Variants in PAMR1 observed in about 807,000 individuals in gnomAD.
The protein encoded by PAMR1 is inactive serine protease PAMR1.
Under a neutral mutation model 81.8 loss-of-function variants are expected in PAMR1, and 88 were observed. The ratio of observed to expected loss-of-function variants is 1.08; its 90% CI spans 0.91 to 1.28. The LOEUF is 1.28. Ranked by LOEUF, PAMR1 falls within the 50% of genes most tolerant of loss-of-function variation. The probability of loss-of-function intolerance (pLI) is 0.00; values close to 1 mark genes in which losing one functional copy is unlikely to be tolerated. For synonymous variants in PAMR1, 336 were observed against 345.3 expected, an observed-to-expected ratio of 0.97 and a Z score of 0.30; for missense variants, 935 against 919.7, an observed-to-expected ratio of 1.02 and a Z score of -0.21.
chr11:35,495,286 A>G (rs1421965583), intron 1 of PAMR1, among the ~76,000 whole-genome samples: 3 of 152,106 alleles, frequency 2.0e-5, no homozygotes, highest in Non-Finnish European at 2.9e-5. Flanking sequence ...TGGTGAACTC[A>G]TTAGCCCAAC....
At chr11:35,503,772 T>A (rs1850899073) in intron 1 of PAMR1, among the ~76,000 whole-genome samples, 1 of 152,064 alleles carries the variant, frequency 6.6e-6, no homozygotes, top group South Asian at 2.1e-4. Flanking sequence ...TTTGGTAGAG[T>A]CTTTAGATTT....
At position 35,447,363 on chromosome 11, in the gene PAMR1, C is replaced by T. The variant is rs571304125; in HGVS notation, c.821-5670G>A. ...GACTACAGCCACCTGCTACCACGCC[C>T]GGCTAATTTTTTTCTATTTTTTAGT... On this transcript the variant is annotated intron_variant, in intron 6 of 10. Transcript: ENST00000619888. Among the ~76,000 whole-genome samples, 15 of 152,174 alleles carry T rather than the reference C, an allele frequency of 9.9e-5. No homozygotes were observed. The South Asian group carries it at 1.5e-3, about 15-fold the overall frequency.
Position 35,467,442 on chromosome 11 carries a change from G to A in PAMR1, c.820+559C>T, listed in dbSNP as rs151160519. On this transcript the variant is annotated intron_variant, in intron 6 of 10. Transcript: ENST00000619888. ...GCTTCCATCTGTGACACCTGTTTTCGGTCTGGTAACCAAGGCCTTATATAA... is the reference window on the plus strand; with the variant it reads ...GCTTCCATCTGTGACACCTGTTTTCAGTCTGGTAACCAAGGCCTTATATAA... Among the ~76,000 whole-genome samples, 621 of 152,204 alleles carry A rather than the reference G, an allele frequency of 4.1e-3. 1 individual carries two copies. The highest frequency in any genetic ancestry group is 0.014 in the African/African-American group (564 of 41,496).
intron 6 of PAMR1, chr11:35,453,436 G>T (rs1422565834): frequency 6.6e-6 from 1 of 152,166 alleles, no homozygotes; most frequent in African/African-American, 2.4e-5. Context: ...TTTTAATCCT[G>T]CACAATAAAG....
intron 6 of PAMR1, chr11:35,452,072 A>T: frequency 2.3e-6 from 1 of 443,804 alleles, no homozygotes; most frequent in African/African-American, 2.0e-5. Flanking sequence ...ATTTATAAAG[A>T]ATACAGATAA....
At position 35,432,251 on chromosome 11, in the gene PAMR1, C is replaced by T; in HGVS notation, c.*105G>A. On this transcript the variant is annotated 3_prime_UTR_variant, in exon 11 of 11. Transcript: ENST00000619888. ...CTGAAGTCAGAAGCCCTGGCACAGC[C>T]AAGTTCACAGGCCAAATCACACTTC... 8.9e-7 allele frequency: 1 copy of T among 1,128,564 alleles called. No homozygotes were observed. Among genetic ancestry groups the T allele is most frequent in the South Asian group, 1.5e-5 (1 of 67,792 alleles). 69.9% of individuals were successfully genotyped at this position (1,128,564 alleles called of 1,614,324 possible). A position where few individuals can be genotyped will look rare whatever the true frequency, so the allele number is the denominator to read the frequency against.
chr11:35,528,667 A>T (rs1241840708), upstream of PAMR1, among the ~76,000 whole-genome samples: 2 of 152,172 alleles, frequency 1.3e-5, no homozygotes, highest in East Asian at 3.8e-4. Context: ...TAAGATGGGT[A>T]GGGAAGAAAG....
chr11:35,443,703 T>C (rs1200018698), intron 6 of PAMR1, among the ~76,000 whole-genome samples: 1 of 152,240 alleles, frequency 6.6e-6, no homozygotes, highest in Non-Finnish European at 1.5e-5. Flanking sequence ...TAGATTTATA[T>C]TCCTTTGGGT....
At chr11:35,461,809 A>G (rs1322471010) in intron 6 of PAMR1, among the ~76,000 whole-genome samples, 1 of 152,076 alleles carries the variant, frequency 6.6e-6, no homozygotes, top group Non-Finnish European at 1.5e-5. Flanking sequence ...GACCCAGGTA[A>G]TGTGTAAGAA....
At chr11:35,462,382 C>G (rs988466212) in intron 6 of PAMR1, among the ~76,000 whole-genome samples, 1 of 152,184 alleles carries the variant, frequency 6.6e-6, no homozygotes, top group Non-Finnish European at 1.5e-5. Flanking sequence ...CTGGCACCAC[C>G]TACTTGTCCT....
intron 1 of PAMR1, among the ~76,000 whole-genome samples, chr11:35,511,676 A>C (rs573011031): frequency 1.3e-5 from 2 of 152,302 alleles, no homozygotes; most frequent in African/African-American, 4.8e-5. Context: ...GAGGGAGAAA[A>C]AAGGACATAG....
intron 3 of PAMR1, among the ~76,000 whole-genome samples, chr11:35,491,422 T>A (rs964185232): frequency 2.2e-4 from 33 of 152,286 alleles, no homozygotes; most frequent in African/African-American, 7.9e-4. Flanking sequence ...TAAAAGCAAT[T>A]TGTACATTGC....
intron 8 of PAMR1, among the ~76,000 whole-genome samples, chr11:35,438,362 C>T (rs1263515312): frequency 3.9e-5 from 6 of 152,054 alleles, no homozygotes; most frequent in South Asian, 4.2e-4. Context: ...GAAGAGCAAC[C>T]GACACAGAGC....
chr11:35,506,666 T>A (rs1195751867), intron 1 of PAMR1, among the ~76,000 whole-genome samples: 1 of 151,944 alleles, frequency 6.6e-6, no homozygotes, highest in East Asian at 1.9e-4. Flanking sequence ...CTCAGAAGTC[T>A]GTTGTCAGAC....
chr11:35,494,012 G>A (rs765031305), intron 2 of PAMR1, 84 bp downstream of exon 2: 61 of 1,069,396 alleles, frequency 5.7e-5, no homozygotes, highest in Non-Finnish European at 7.2e-5. Flanking sequence ...ATGGCTGCCT[G>A]CTAGAATTCA....
intron 3 of PAMR1, among the ~76,000 whole-genome samples, chr11:35,484,571 A>G (rs1217702019): frequency 6.6e-6 from 1 of 152,166 alleles, no homozygotes; most frequent in Non-Finnish European, 1.5e-5. Flanking sequence ...GCCTGCACAA[A>G]TCCTCTTCCT....
At chr11:35,524,131 G>A (rs1851338835) in intron 1 of PAMR1, among the ~76,000 whole-genome samples, 1 of 152,054 alleles carries the variant, frequency 6.6e-6, no homozygotes, top group Non-Finnish European at 1.5e-5. Flanking sequence ...AAGTAGGGAG[G>A]TGCCTTAATG....
At chr11:35,479,930 G>A (rs78827023) in intron 3 of PAMR1, among the ~76,000 whole-genome samples, 9,774 of 152,266 alleles carry the variant, frequency 0.064, 378 homozygotes, top group Middle Eastern at 0.12. Flanking sequence ...TTCATAGTAA[G>A]TACTACGTGT....
chr11:35,461,955 C>A (rs1369917700), intron 6 of PAMR1, among the ~76,000 whole-genome samples: 2 of 152,162 alleles, frequency 1.3e-5, no homozygotes, highest in Non-Finnish European at 2.9e-5. Context: ...GCCCTTCATA[C>A]CCTCTCAAGA....
Sources: gnomAD v4.1 joint callset for allele counts (sites outside exome capture counted in the v4.1 genomes callset) on GRCh38, gnomAD v4.1.1 for gene constraint, MANE v1.5 for transcripts, NCBI Gene and HGNC (gene_info 2026-07-23, HGNC 2026-07-21) for gene names.